CA8: variants seen among roughly 807,000 people sequenced by gnomAD.
The protein encoded by CA8 is carbonic anhydrase 8 (inactive).
Under a neutral mutation model 41.4 loss-of-function variants are expected in CA8, and 22 were observed. The observed-to-expected ratio is 0.53, with a 90% CI of 0.38 to 0.76. The LOEUF (loss-of-function observed/expected upper bound fraction) is 0.76. CA8 is among the 30% of genes least tolerant of loss of function. CA8 has a pLI of 0.00. For missense variants in CA8, 270 were observed against 352.8 expected, an observed-to-expected ratio of 0.77 and a Z score of 1.88; for synonymous variants, 121 against 130.6, an observed-to-expected ratio of 0.93 and a Z score of 0.50.
chr8:60,281,108 G>A lies in CA8; in HGVS notation c.40C>T (p.Pro14Ser). The A allele has an allele frequency of 6.2e-7, 1 of 1,600,882 alleles. No homozygotes were observed. The highest frequency in any genetic ancestry group is 1.7e-5 in the Admixed American group (1 of 59,090). The change falls in exon 1 of 9, where the codon CCC becomes TCC. Residue 14 changes from proline to serine, a missense_variant. Pro to Ser is a moderately conservative substitution (Grantham distance 74). Coordinates refer to ENST00000317995, the MANE Select transcript of CA8 (RefSeq NM_004056.6). Reference protein sequence around the residue: ...LSFIEDTVAFPEKEEDEEEEE... With the variant: ...LSFIEDTVAFSEKEEDEEEEE... ...TCCTCCTCATCCTCTTCCTTCTCGG[G>A]GAAGGCGACGGTATCTTCGATGAAG...
chr8:60,209,189 T>C (rs968542213), intron 7 of CA8, among the ~76,000 whole-genome samples: 1 of 152,186 alleles, frequency 6.6e-6, no homozygotes, highest in African/African-American at 2.4e-5. Flanking sequence ...CATTTGTTAA[T>C]GTAAAAATGA....
chr8:60,246,100 TC>T, intron 3 of CA8, among the ~76,000 whole-genome samples: 1 of 152,222 alleles, frequency 6.6e-6, no homozygotes, highest in African/African-American at 2.4e-5. Context: ...AGACTCGACT[TC>T]CCAGCACTGC....
intron 3 of CA8, among the ~76,000 whole-genome samples, chr8:60,238,022 C>T (rs935237187): frequency 1.3e-5 from 2 of 152,272 alleles, no homozygotes; most frequent in South Asian, 2.1e-4. Context: ...AATCTTGGAC[C>T]GAGCTTTTGC....
intron 2 of CA8, 125 bp from the exon 3 acceptor site, chr8:60,266,174 C>A: frequency 1.2e-6 from 1 of 857,216 alleles, no homozygotes; most frequent in Non-Finnish European, 1.8e-6. Flanking sequence ...TTCACAAAGC[C>A]AAAATGAGAA....
rs971904864 is a variant in CA8 at position 60,188,606 on chromosome 8, G to C, written c.*1415C>G. On this transcript the variant is annotated 3_prime_UTR_variant, in exon 9 of 9. Coordinates refer to ENST00000317995, the MANE Select transcript of CA8 (RefSeq NM_004056.6). ...GGACACTAGGAACTGTTATACACAA[G>C]GGAAGTCCAGGACCTCTCTCCGCTT... is the stretch of plus-strand genomic sequence containing the variant. 9 of 152,214 alleles carry C rather than the reference G, an allele frequency of 5.9e-5. No homozygotes were observed. Among genetic ancestry groups the C allele is most frequent in the African/African-American group, 2.2e-4 (9 of 41,448 alleles). The allele number at this position is 152,214 out of a possible 1,614,324, so 9.4% of individuals were successfully genotyped here. A position where few individuals can be genotyped will look rare whatever the true frequency, so the allele number is the denominator to read the frequency against.
intron 7 of CA8, among the ~76,000 whole-genome samples, chr8:60,219,929 T>TAAAAAAAAAAAAAAAAAAAAAAAAAAA (rs546162939): frequency 1.2e-5 from 1 of 82,014 alleles, no homozygotes; most frequent in African/African-American, 4.8e-5. Flanking sequence ...AATCTTAACT[T>TAAAAAAAAAAAAAAAAAAAAAAAAAAA]AAAAAAAAAA....
chr8:60,277,625 G>T (rs182469796), intron 2 of CA8, among the ~76,000 whole-genome samples: 2 of 152,114 alleles, frequency 1.3e-5, no homozygotes, highest in African/African-American at 2.4e-5. Flanking sequence ...AAAGTGCTGG[G>T]ATTACACTTG....
At position 60,279,834 on chromosome 8, in the gene CA8, C is replaced by T. The variant is rs1804352741; in HGVS notation, c.147G>A (p.Gln49=). 1 of 1,613,848 alleles carries T rather than the reference C, an allele frequency of 6.2e-7. No individual in the cohort carries two copies. The highest frequency in any genetic ancestry group is 8.5e-7 in the Non-Finnish European group (1 of 1,179,932). ...LVFPDANGEY[Q]SPINLNSREA... ...CTCTTGAGTTTAGGTTAATAGGAGA[C>T]TGGTATTCCCCATTAGCATCAGGAA... The change falls in exon 2 of 9, where the codon CAG becomes CAA. Residue 49 remains glutamine (Q), a synonymous_variant. Coordinates refer to ENST00000317995, the MANE Select transcript of CA8 (RefSeq NM_004056.6).
intron 8 of CA8, among the ~76,000 whole-genome samples, chr8:60,190,435 ATATAT>A: frequency 5.4e-4 from 1 of 1,856 alleles, no homozygotes; most frequent in Admixed American, 7.9e-3. Flanking sequence ...AATGCAGAAT[ATATAT>A]ATATATATAT....
chr8:60,208,379 T>TGTGC, intron 8 of CA8: 1 of 271,542 alleles, frequency 3.7e-6, no homozygotes, highest in Non-Finnish European at 7.1e-6. Flanking sequence ...TCCCCTCCTA[T>TGTGC]GTGCTCCTTG....
At chr8:60,220,325 G>A (rs1210397859) in intron 7 of CA8, among the ~76,000 whole-genome samples, 2 of 152,136 alleles carry the variant, frequency 1.3e-5, no homozygotes, top group African/African-American at 2.4e-5. Flanking sequence ...AGCAACAGAG[G>A]AGGATACTAA....
intron 3 of CA8, among the ~76,000 whole-genome samples, chr8:60,238,032 C>A (rs988047519): frequency 1.3e-5 from 2 of 152,176 alleles, no homozygotes; most frequent in Admixed American, 6.5e-5. Flanking sequence ...CGAGCTTTTG[C>A]TACAGGACTC....
At chr8:60,206,833 T>C (rs958635291) in intron 8 of CA8, among the ~76,000 whole-genome samples, 9 of 152,130 alleles carry the variant, frequency 5.9e-5, no homozygotes, top group African/African-American at 2.2e-4. Flanking sequence ...CTTTTCAGAC[T>C]TCACTGCTCC....
At chr8:60,253,633 G>C (rs187085034) in intron 3 of CA8, among the ~76,000 whole-genome samples, 1 of 152,150 alleles carries the variant, frequency 6.6e-6, no homozygotes, top group East Asian at 1.9e-4. Context: ...TCATTCTCAG[G>C]AAGGAGTTAG....
At chr8:60,238,353 A>C (rs545054971) in intron 3 of CA8, among the ~76,000 whole-genome samples, 1 of 152,240 alleles carries the variant, frequency 6.6e-6, no homozygotes, top group African/African-American at 2.4e-5. Context: ...TGAAAAGGCA[A>C]TTATGACTCA....
chr8:60,207,286 GCA>G (rs1806622957), intron 8 of CA8, among the ~76,000 whole-genome samples: 1 of 152,182 alleles, frequency 6.6e-6, no homozygotes, highest in Non-Finnish European at 1.5e-5. Context: ...AAGATTTTAT[GCA>G]CACTTAATTA....
At chr8:60,207,255 C>T (rs559238005) in intron 8 of CA8, among the ~76,000 whole-genome samples, 1 of 152,354 alleles carries the variant, frequency 6.6e-6, no homozygotes, top group East Asian at 1.9e-4. Flanking sequence ...TCTTGGCTAA[C>T]TTGTCTGTAA....
At chr8:60,247,011 G>A (rs1162929088) in intron 3 of CA8, among the ~76,000 whole-genome samples, 4 of 150,604 alleles carry the variant, frequency 2.7e-5, no homozygotes, top group South Asian at 2.1e-4. Context: ...AGCCTCCCGA[G>A]TAGCTGGGAC....
intron 6 of CA8, among the ~76,000 whole-genome samples, chr8:60,224,158 T>C (rs544489162): frequency 6.6e-6 from 1 of 152,334 alleles, no homozygotes; most frequent in South Asian, 2.1e-4. Flanking sequence ...CTCGGCTCAC[T>C]GCAACCTCCA....
Sources: gnomAD v4.1 joint callset for allele counts (sites outside exome capture counted in the v4.1 genomes callset) on GRCh38, gnomAD v4.1.1 for gene constraint, MANE v1.5 for transcripts, NCBI Gene and HGNC (gene_info 2026-07-23, HGNC 2026-07-21) for gene names.